The following MAP3K21 variants were observed in gnomAD, a reference collection of about 807,000 sequenced individuals.
MAP3K21 encodes mitogen-activated protein kinase kinase kinase MLK4.
In MAP3K21, 63 loss-of-function variants were observed where a neutral mutation model predicts 86.1. The ratio of observed to expected loss-of-function variants is 0.73; its 90% CI spans 0.60 to 0.90. The LOEUF (loss-of-function observed/expected upper bound fraction) is 0.90. Among genes scored for constraint, MAP3K21 ranks in the 40% least tolerant of loss-of-function variants. The pLI, the probability that MAP3K21 is intolerant of heterozygous loss-of-function variation, is 0.00. For missense variants in MAP3K21, 1,220 were observed against 1,367.7 expected (o/e 0.89, Z 1.70); for synonymous variants, 558 against 564.8 (o/e 0.99, Z 0.17).
chr1:233,356,884 C>A (rs1239047022), intron 4 of MAP3K21, among the ~76,000 whole-genome samples: 2 of 152,204 alleles, frequency 1.3e-5, no homozygotes, highest in Admixed American at 6.5e-5. Flanking sequence ...CGACATATTT[C>A]TGGTTGCAAA....
At chr1:233,354,220 T>C (rs75015602) in intron 3 of MAP3K21, among the ~76,000 whole-genome samples, 1 of 152,316 alleles carries the variant, frequency 6.6e-6, no homozygotes, top group African/African-American at 2.4e-5. Flanking sequence ...ACATTTTCAC[T>C]AGGTACATGA....
At chr1:233,337,810 G>A (rs1194580929) in intron 1 of MAP3K21, among the ~76,000 whole-genome samples, 2 of 152,190 alleles carry the variant, frequency 1.3e-5, no homozygotes, top group Admixed American at 6.5e-5. Context: ...TTCATTACTA[G>A]TTTGTGCATT....
intron 2 of MAP3K21, among the ~76,000 whole-genome samples, chr1:233,347,463 C>A (rs955440713): frequency 6.6e-6 from 1 of 152,054 alleles, no homozygotes; most frequent in Non-Finnish European, 1.5e-5. Context: ...TTATGATGCA[C>A]CTAGAACTTA....
At chr1:233,369,315 G>A (rs1663641466) in intron 5 of MAP3K21, among the ~76,000 whole-genome samples, 2 of 151,528 alleles carry the variant, frequency 1.3e-5, no homozygotes, top group Admixed American at 6.6e-5. Context: ...GCTTGAACCC[G>A]GGAGGTGGAG....
chr1:233,359,164 T>C lies in MAP3K21; in HGVS notation c.1312-2889T>C, dbSNP rs200550463. On this transcript the variant is annotated intron_variant, in intron 4 of 9. Transcript: ENST00000366624. ...CAACTATTTATAAAACTGGAAGATA[T>C]AGGCATCTCTAGTGAGTTCATAATT... Among the ~76,000 whole-genome samples, 4 of 152,320 alleles carry C rather than the reference T, an allele frequency of 2.6e-5. No homozygotes were observed. The East Asian group carries it at 5.8e-4, about 22-fold the overall frequency.
At chr1:233,356,310 T>G (rs1056593890) in intron 4 of MAP3K21, among the ~76,000 whole-genome samples, 1 of 152,220 alleles carries the variant, frequency 6.6e-6, no homozygotes, top group African/African-American at 2.4e-5. Flanking sequence ...TGAACTATGC[T>G]TTTACATTCT....
At chr1:233,371,741 A>G (rs1477223479) in intron 5 of MAP3K21, among the ~76,000 whole-genome samples, 1 of 129,578 alleles carries the variant, frequency 7.7e-6, no homozygotes, top group Non-Finnish European at 1.6e-5. Flanking sequence ...TGGCTTTCAT[A>G]TTTTCCTTTG....
At chr1:233,368,731 C>G (rs1025987078) in intron 5 of MAP3K21, among the ~76,000 whole-genome samples, 2 of 151,882 alleles carry the variant, frequency 1.3e-5, no homozygotes, top group African/African-American at 4.8e-5. Context: ...GTTTGTCTTC[C>G]AAATCTCCTC....
At chr1:233,368,826 A>G (rs1284045138) in intron 5 of MAP3K21, among the ~76,000 whole-genome samples, 1 of 152,170 alleles carries the variant, frequency 6.6e-6, no homozygotes, top group African/African-American at 2.4e-5. Context: ...CTCCGTCAAC[A>G]AACACCTGAG....
Position 233,379,077 on chromosome 1 carries a change from G to A in MAP3K21, c.2071G>A (p.Glu691Lys), listed in dbSNP as rs1663853245. 2 of 1,614,074 alleles carry A rather than the reference G, an allele frequency of 1.2e-6. No individual in the cohort carries two copies. The highest frequency in any genetic ancestry group is 1.3e-5 in the African/African-American group (1 of 74,924). Reference protein sequence around the residue: ...ENPAEAESWEEAASANAATVS... With the variant: ...ENPAEAESWEKAASANAATVS... ...TCCTGCAGAAGCTGAAAGCTGGGAG[G>A]AGGCAGCCTCTGCGAATGCTGCCAC... The change falls in exon 9 of 10, where the codon GAG (glutamate) becomes AAG (lysine). Residue 691 changes from glutamate (E) to lysine (K), a missense_variant. By Grantham distance (56) the Glu-to-Lys change is moderately conservative. This residue lies in a region of MAP3K21 where 632 missense variants were observed against 691.3 expected (regional missense o/e 0.91). Coordinates refer to ENST00000366624, the MANE Select transcript of MAP3K21 (RefSeq NM_032435.3).
At chr1:233,334,164 C>CTTT (rs60541029) in intron 1 of MAP3K21, among the ~76,000 whole-genome samples, 8 of 136,864 alleles carry the variant, frequency 5.8e-5, no homozygotes, top group African/African-American at 1.7e-4. Context: ...CGTGCCTGGA[C>CTTT]TTTTTTTTTT....
intron 2 of MAP3K21, among the ~76,000 whole-genome samples, chr1:233,347,542 A>T (rs926005): frequency 0.45 from 68,881 of 152,136 alleles, 16,122 homozygotes; most frequent in Admixed American, 0.56. Flanking sequence ...ACCATGGAAT[A>T]CTACACAGCC....
chr1:233,379,315 C>G lies in MAP3K21; in HGVS notation c.2309C>G (p.Ser770Cys). The G allele has an allele frequency of 1.2e-6, 2 of 1,614,186 alleles. No individual in the cohort carries two copies. Among genetic ancestry groups the G allele is most frequent in the Middle Eastern group, 1.6e-4 (1 of 6,062 alleles). The change falls in exon 9 of 10, where the codon TCC (serine) becomes TGC (cysteine). Residue 770 changes from serine to cysteine, a missense_variant. This residue lies in a region of MAP3K21 where 632 missense variants were observed against 691.3 expected (regional missense o/e 0.91). Coordinates refer to ENST00000366624, the MANE Select transcript of MAP3K21 (RefSeq NM_032435.3). ...REGIFQRASK[S>C]RRSASPPTSL... ...GGAATCTTCCAGCGGGCTTCCAAGT[C>G]CCGCAGAAGCGCCAGTCCTCCCACA...
At chr1:233,347,818 C>G (rs1206663489) in intron 2 of MAP3K21, among the ~76,000 whole-genome samples, 1 of 152,000 alleles carries the variant, frequency 6.6e-6, no homozygotes, top group African/African-American at 2.4e-5. Context: ...ATTTGTATCC[C>G]AAACCTCAAC....
chr1:233,337,870 C>T (rs1251455244), intron 1 of MAP3K21, among the ~76,000 whole-genome samples: 2 of 152,160 alleles, frequency 1.3e-5, no homozygotes, highest in Admixed American at 1.3e-4. Flanking sequence ...CGGGAAGTAT[C>T]TTGATGGCAT....
intron 8 of MAP3K21, 40 bp downstream of exon 8, chr1:233,376,567 C>T (rs1294248): frequency 0.061 from 85,883 of 1,408,268 alleles, 3,980 homozygotes; most frequent in African/African-American, 0.23. Context: ...TTGAGCAGTC[C>T]TTGGCATCTG....
Position 233,376,493 on chromosome 1 carries a change from C to A in MAP3K21, c.1890C>A (p.Thr630=). Reference sequence around the variant, plus strand: ...CTATCTTAATAAAAAATCAGAAAACCATGCCCTTGGCTTCATTGTTTGTGG... The same window carrying A: ...CTATCTTAATAAAAAATCAGAAAACAATGCCCTTGGCTTCATTGTTTGTGG... ...WSTILIKNQK[T]MPLASLFVDQ... The change falls in exon 8 of 10, where the codon ACC becomes ACA. Residue 630 remains threonine, a synonymous_variant. Transcript: ENST00000366624. 1.2e-6 allele frequency: 2 copies of A among 1,613,668 alleles called. No individual in the cohort carries two copies. Among genetic ancestry groups the A allele is most frequent in the South Asian group, 2.2e-5 (2 of 91,028 alleles).
chr1:233,378,881 C>T, intron 8 of MAP3K21, 50 bp from the exon 9 acceptor site: 1 of 1,274,676 alleles, frequency 7.8e-7, no homozygotes, highest in African/African-American at 1.5e-5. Context: ...GTTTAAATGA[C>T]TTTTGCTGTA....
chr1:233,344,936 C>T lies in MAP3K21; in HGVS notation c.806-1506C>T, dbSNP rs976169438. Among the ~76,000 whole-genome samples the T allele has an allele frequency of 1.2e-4, 18 of 152,154 alleles. 1 individual carries two copies. The highest frequency in any genetic ancestry group is 9.8e-4 in the Admixed American group (15 of 15,270). ...AGTGGGCAAAGGATATGAACAGACA[C>T]TTCTCAAAAGAAGACATTTATGCAG... On this transcript the variant is annotated intron_variant, in intron 1 of 9. Coordinates refer to ENST00000366624, the MANE Select transcript of MAP3K21 (RefSeq NM_032435.3).
Sources: allele counts gnomAD v4.1 joint callset (sites outside exome capture counted in the v4.1 genomes callset), GRCh38; gene constraint gnomAD v4.1.1; regional missense constraint gnomAD v4.1.1; transcripts MANE v1.5; gene names NCBI Gene and HGNC (gene_info 2026-07-23, HGNC 2026-07-21).